Variants in EIF4EBP2 observed in about 807,000 individuals in gnomAD.
EIF4EBP2 encodes eukaryotic translation initiation factor 4E binding protein 2, also known as eukaryotic translation initiation factor 4E-binding protein 2.
Under a neutral mutation model 10.3 loss-of-function variants are expected in EIF4EBP2, and 5 were observed. That is an observed-to-expected ratio of 0.48 (90% CI 0.25 to 1.02). The LOEUF is 1.02. EIF4EBP2 is among the 50% of genes least tolerant of loss of function. The pLI is 0.15. For missense variants in EIF4EBP2, 188 were observed against 162.2 expected, an observed-to-expected ratio of 1.16 and a Z score of -0.86; for synonymous variants, 67 against 61.1, an observed-to-expected ratio of 1.10 and a Z score of -0.45.
At chr10:70,418,898 C>T (rs1180174621) in intron 1 of EIF4EBP2, among the ~76,000 whole-genome samples, 1 of 152,176 alleles carries the variant, frequency 6.6e-6, no homozygotes, top group Non-Finnish European at 1.5e-5. Context: ...TCACTGTAGC[C>T]TCGAACTCCT....
intron 1 of EIF4EBP2, among the ~76,000 whole-genome samples, chr10:70,418,920 A>G (rs1447493884): frequency 2.0e-5 from 3 of 152,152 alleles, no homozygotes; most frequent in Admixed American, 6.5e-5. Context: ...GACTCAAGCT[A>G]TTCTCCTGGC....
rs540685803 is a variant in EIF4EBP2 at position 70,417,931 on chromosome 10, G to A, written c.146-1983G>A. Among the ~76,000 whole-genome samples the A allele has an allele frequency of 3.7e-4, 56 of 152,262 alleles. 2 individuals carry two copies. The South Asian group carries it at 0.011, about 30-fold the overall frequency. The stretch of plus-strand genomic sequence containing the variant: ...AGCCTATTTGCCCTTATTTTACATA[G>A]CATGCTAATAAGCAAGTTGCTGATT... On this transcript the variant is annotated intron_variant, in intron 1 of 2. Coordinates refer to ENST00000373218, the MANE Select transcript of EIF4EBP2 (RefSeq NM_004096.5).
chr10:70,426,715 G>C lies in EIF4EBP2; in HGVS notation c.*4968G>C, dbSNP rs1845209253. ...CTATAAGAAAAGGATTCTTCTTCCA[G>C]AAGTAAAGAACTCATCTTTAGAGTA... is the stretch of plus-strand genomic sequence containing the variant. On this transcript the variant is annotated 3_prime_UTR_variant, in exon 3 of 3. Transcript: ENST00000373218. 2.0e-5 allele frequency: 3 copies of C among 152,232 alleles called. No individual in the cohort carries two copies. In the South Asian group the frequency reaches 6.2e-4, roughly 31 times the overall value. 9.4% of individuals were successfully genotyped at this position (152,232 alleles called of 1,614,324 possible).
At position 70,421,718 on chromosome 10, in the gene EIF4EBP2, G is replaced by C. The variant is rs1456552572; in HGVS notation, c.334G>C (p.Asp112His). Residue 112 changes from aspartate (D) to histidine (H), a missense_variant and splice_region_variant, in exon 3 of 3, where the codon GAT (aspartate) becomes CAT (histidine). Physicochemically the swap from Asp to His is moderately conservative, Grantham distance 81. Coordinates refer to ENST00000373218, the MANE Select transcript of EIF4EBP2 (RefSeq NM_004096.5). ...NNHDRKHAVG[D>H]DAQFEMDI ...TTCATTTTATTGGTCCTAACTAGGGGATGATGCTCAGTTCGAGATGGACAT... is the reference window on the plus strand; with the variant it reads ...TTCATTTTATTGGTCCTAACTAGGGCATGATGCTCAGTTCGAGATGGACAT... The C allele has an allele frequency of 6.2e-7, 1 of 1,613,560 alleles. No individual in the cohort carries two copies. The highest frequency in any genetic ancestry group is 1.1e-5 in the South Asian group (1 of 91,056).
At chr10:70,413,788 A>G (rs1421226497) in intron 1 of EIF4EBP2, among the ~76,000 whole-genome samples, 1 of 152,164 alleles carries the variant, frequency 6.6e-6, no homozygotes, top group Non-Finnish European at 1.5e-5. Flanking sequence ...GAGCATGATT[A>G]TTTTCATAGA....
At chr10:70,417,944 CA>C (rs2137230492) in intron 1 of EIF4EBP2, among the ~76,000 whole-genome samples, 1 of 152,296 alleles carries the variant, frequency 6.6e-6, no homozygotes, top group South Asian at 2.1e-4. Flanking sequence ...TGCTAATAAG[CA>C]AGTTGCTGAT....
chr10:70,410,144 A>G (rs1188811366), intron 1 of EIF4EBP2, among the ~76,000 whole-genome samples: 1 of 151,912 alleles, frequency 6.6e-6, no homozygotes, highest in East Asian at 1.9e-4. Flanking sequence ...ATCTTGGCTC[A>G]CCGCAACCTC....
chr10:70,421,655 T>G, intron 2 of EIF4EBP2, 61 bp from the exon 3 acceptor site: 2 of 1,484,502 alleles, frequency 1.3e-6, no homozygotes, highest in Admixed American at 3.4e-5. Context: ...GGAATGACAG[T>G]TAAAACTGTT....
rs1211087742 is a variant in EIF4EBP2 at position 70,427,996 on chromosome 10, G to A, written c.*6249G>A. ...TTTTTTTTTAAAGCCCAGGCCAAGG[G>A]TACTTTTAACTGGAAACTGGGGAGG... On this transcript the variant is annotated 3_prime_UTR_variant, in exon 3 of 3. Coordinates refer to ENST00000373218, the MANE Select transcript of EIF4EBP2 (RefSeq NM_004096.5). 6.7e-6 allele frequency: 1 copy of A among 148,198 alleles called. No homozygotes were observed. The highest frequency in any genetic ancestry group is 2.5e-5 in the African/African-American group (1 of 40,170). The allele number at this position is 148,198 out of a possible 1,614,324, so 9.2% of individuals were successfully genotyped here. A position where few individuals can be genotyped will look rare whatever the true frequency, so the allele number is the denominator to read the frequency against.
intron 1 of EIF4EBP2, among the ~76,000 whole-genome samples, chr10:70,415,099 A>G (rs1001667585): frequency 5.3e-5 from 8 of 152,026 alleles, no homozygotes; most frequent in African/African-American, 1.9e-4. Flanking sequence ...TGTAGGTTGC[A>G]GTGAGCCAAG....
At chr10:70,404,658 C>A in intron 1 of EIF4EBP2, 112 bp downstream of exon 1, 1 of 1,326,892 alleles carries the variant, frequency 7.5e-7, no homozygotes, top group South Asian at 1.7e-5. Flanking sequence ...ACCGAAGCCC[C>A]GGGGACGCTG....
At chr10:70,420,243 A>C in intron 2 of EIF4EBP2, 144 bp downstream of exon 2, 1 of 766,790 alleles carries the variant, frequency 1.3e-6, no homozygotes. Flanking sequence ...TCTGTCACTG[A>C]GGCTGGAGTG....
rs753445565 is a variant in EIF4EBP2 at position 70,421,966 on chromosome 10, G to A, written c.*219G>A. ...TCCTGTTCCCCTTCCCAGTTAAACA[G>A]GTTAGATTGAAGGCCCTTGCTGTAT... On this transcript the variant is annotated 3_prime_UTR_variant, in exon 3 of 3. Transcript: ENST00000373218. 4.3e-5 allele frequency: 23 copies of A among 539,300 alleles called. No homozygotes were observed. The highest frequency in any genetic ancestry group is 7.3e-5 in the Non-Finnish European group (22 of 301,300). The allele number at this position is 539,300 out of a possible 1,614,324, so 33.4% of individuals were successfully genotyped here. A position where few individuals can be genotyped will look rare whatever the true frequency, so the allele number is the denominator to read the frequency against.
chr10:70,424,877 T>A lies in EIF4EBP2; in HGVS notation c.*3130T>A, dbSNP rs1022345360. 2 of 152,246 alleles carry A rather than the reference T, an allele frequency of 1.3e-5. No individual in the cohort carries two copies. Among genetic ancestry groups the A allele is most frequent in the African/African-American group, 4.8e-5 (2 of 41,472 alleles). 9.4% of individuals were successfully genotyped at this position (152,246 alleles called of 1,614,324 possible). On this transcript the variant is annotated 3_prime_UTR_variant, in exon 3 of 3. Transcript: ENST00000373218. The stretch of plus-strand genomic sequence containing the variant: ...TACAGAGAAGCTGGCTTTCTAGGTA[T>A]TGGGCTTCCAAGCCAAGAGTTTTGT...
At chr10:70,407,617 A>G (rs1307346471) in intron 1 of EIF4EBP2, among the ~76,000 whole-genome samples, 1 of 151,800 alleles carries the variant, frequency 6.6e-6, no homozygotes, top group East Asian at 2.0e-4. Context: ...CCCGTTCTCA[A>G]TGAGCTGTTG....
At chr10:70,411,206 A>G (rs1268775175) in intron 1 of EIF4EBP2, among the ~76,000 whole-genome samples, 1 of 152,100 alleles carries the variant, frequency 6.6e-6, no homozygotes, top group Non-Finnish European at 1.5e-5. Flanking sequence ...ACCTCATACC[A>G]ATTAAACAAT....
rs145960723 is a variant in EIF4EBP2, at chr10:70,416,922, C to T, written c.146-2992C>T. Among the ~76,000 whole-genome samples, 1,010 of 152,200 alleles carry T rather than the reference C, an allele frequency of 6.6e-3. 14 individuals carry two copies. The highest frequency in any genetic ancestry group is 0.022 in the African/African-American group (923 of 41,518). ...GGTCAAGTAATACACGTTGGCCTCC[C>T]AAAGTGCTGGGATTACAGGTGTGAG... On this transcript the variant is annotated intron_variant, in intron 1 of 2. Transcript: ENST00000373218.
intron 1 of EIF4EBP2, among the ~76,000 whole-genome samples, chr10:70,412,621 A>C (rs1845057641): frequency 6.6e-6 from 1 of 152,188 alleles, no homozygotes; most frequent in African/African-American, 2.4e-5. Context: ...TGGCAAGCAT[A>C]ACTTTGGGCT....
chr10:70,424,565 C>G lies in EIF4EBP2; in HGVS notation c.*2818C>G, dbSNP rs988085197. On this transcript the variant is annotated 3_prime_UTR_variant, in exon 3 of 3. Coordinates refer to ENST00000373218, the MANE Select transcript of EIF4EBP2 (RefSeq NM_004096.5). ...TTGGAGGGAACCTCACAGATGAAAC[C>G]CTTAATGAATAATGTGTCCGGGGTT... is the stretch of plus-strand genomic sequence containing the variant. The G allele has an allele frequency of 1.3e-5, 2 of 152,188 alleles. No homozygotes were observed. The highest frequency in any genetic ancestry group is 2.4e-5 in the African/African-American group (1 of 41,446). The allele number at this position is 152,188 out of a possible 1,614,324, so 9.4% of individuals were successfully genotyped here.
Sources: gnomAD v4.1 joint callset for allele counts (sites outside exome capture counted in the v4.1 genomes callset) on GRCh38, gnomAD v4.1.1 for gene constraint, MANE v1.5 for transcripts, NCBI Gene and HGNC (gene_info 2026-07-23, HGNC 2026-07-21) for gene names.